NEK1: variants seen among roughly 807,000 people sequenced by gnomAD.
NEK1 encodes the protein serine/threonine-protein kinase Nek1.
NEK1 carries 137 observed loss-of-function variants against 182.1 expected under a neutral mutation model. That is an observed-to-expected ratio of 0.75 (90% confidence interval 0.65 to 0.87). The LOEUF (loss-of-function observed/expected upper bound fraction) is 0.87, where lower values mean the gene tolerates loss of function less well. Ranked by LOEUF, NEK1 falls within the 40% of genes least tolerant of loss-of-function variation. NEK1 has a pLI of 0.00. For missense variants in NEK1, 1,391 were observed against 1,494.4 expected, an observed-to-expected ratio of 0.93 and a Z score of 1.14; for synonymous variants, 513 against 492.2, an observed-to-expected ratio of 1.04 and a Z score of -0.56.
At chr4:169,535,740 C>T (rs551705759) in intron 19 of NEK1, among the ~76,000 whole-genome samples, 14 of 151,128 alleles carry the variant, frequency 9.3e-5, no homozygotes, top group East Asian at 7.9e-4. Context: ...ATTAGCCCAG[C>T]GTGGTGACAG....
intron 16 of NEK1, among the ~76,000 whole-genome samples, chr4:169,560,141 C>T (rs191917297): frequency 1.3e-5 from 2 of 152,318 alleles, no homozygotes; most frequent in Admixed American, 1.3e-4. Flanking sequence ...AATCTCAGTT[C>T]CCCTGGCTCA....
intron 11 of NEK1, among the ~76,000 whole-genome samples, chr4:169,580,591 G>C (rs1354843145): frequency 1.3e-5 from 2 of 150,136 alleles, no homozygotes; most frequent in African/African-American, 4.9e-5. Context: ...CAAAATATCA[G>C]CTAGGCATTT....
chr4:169,585,970 T>C (rs1268502446), intron 9 of NEK1, among the ~76,000 whole-genome samples: 1 of 152,066 alleles, frequency 6.6e-6, no homozygotes, highest in Non-Finnish European at 1.5e-5. Context: ...GAACTAAAAG[T>C]ATTGGGGGAA....
intron 26 of NEK1, among the ~76,000 whole-genome samples, chr4:169,473,346 C>T (rs1490289330): frequency 1.3e-5 from 2 of 151,500 alleles, no homozygotes; most frequent in African/African-American, 4.9e-5. Flanking sequence ...ACTGGGGACT[C>T]CAAAAGGGGA....
chr4:169,573,199 TA>T (rs2150015560), intron 12 of NEK1, among the ~76,000 whole-genome samples: 1 of 152,266 alleles, frequency 6.6e-6, no homozygotes, highest in Admixed American at 6.5e-5. Flanking sequence ...CGAAGAAAGG[TA>T]AAATATTTGC....
intron 23 of NEK1, among the ~76,000 whole-genome samples, chr4:169,498,441 T>G (rs989343688): frequency 9.2e-5 from 14 of 152,250 alleles, no homozygotes; most frequent in Admixed American, 2.6e-4. Flanking sequence ...ATTTGATCCC[T>G]TCATTATGAT....
At chr4:169,552,432 A>G (rs1761564413) in intron 18 of NEK1, among the ~76,000 whole-genome samples, 1 of 152,012 alleles carries the variant, frequency 6.6e-6, no homozygotes, top group Non-Finnish European at 1.5e-5. Context: ...GAAAACCTAA[A>G]TTAGAGAGGA....
intron 23 of NEK1, among the ~76,000 whole-genome samples, chr4:169,501,311 C>G (rs72691094): frequency 6.6e-6 from 1 of 151,850 alleles, no homozygotes; most frequent in Non-Finnish European, 1.5e-5. Flanking sequence ...TAATAGTGGA[C>G]ACTTTAACAC....
intron 18 of NEK1, among the ~76,000 whole-genome samples, chr4:169,552,512 T>C (rs1294589665): frequency 2.0e-5 from 3 of 152,142 alleles, no homozygotes; most frequent in East Asian, 1.9e-4. Flanking sequence ...AACTTGAAGC[T>C]TTCCGGCCAA....
At chr4:169,479,764 A>C (rs1185205934) in intron 23 of NEK1, among the ~76,000 whole-genome samples, 1 of 152,136 alleles carries the variant, frequency 6.6e-6, no homozygotes, top group African/African-American at 2.4e-5. Flanking sequence ...CATAGTCCTA[A>C]ATAACCCGCT....
chr4:169,443,101 ATCTC>A (rs1192344721), intron 27 of NEK1, among the ~76,000 whole-genome samples: 1 of 148,300 alleles, frequency 6.7e-6, no homozygotes, highest in East Asian at 2.0e-4. Context: ...CTATCTATCT[ATCTC>A]ATAATTTGAG....
At chr4:169,570,640 A>G (rs1764644714) in intron 12 of NEK1, among the ~76,000 whole-genome samples, 1 of 152,026 alleles carries the variant, frequency 6.6e-6, no homozygotes, top group Middle Eastern at 3.4e-3. Context: ...GGAAGTGAGG[A>G]GCCCCTCTGC....
chr4:169,394,451 T>C lies in NEK1; in HGVS notation c.*59A>G. On this transcript the variant is annotated 3_prime_UTR_variant, in exon 36 of 36. Transcript: ENST00000507142. ...TGTATTTCCCACTGAAGCTTGTTAT[T>C]CTGATAAGCCAAATTCAAATGCTTT... 9.0e-7 allele frequency: 1 copy of C among 1,111,942 alleles called. No homozygotes were observed. Among genetic ancestry groups the C allele is most frequent in the Non-Finnish European group, 1.3e-6 (1 of 753,350 alleles). The allele number at this position is 1,111,942 out of a possible 1,614,324, so 68.9% of individuals were successfully genotyped here.
At chr4:169,495,895 T>C (rs1303089850) in intron 23 of NEK1, among the ~76,000 whole-genome samples, 2 of 152,202 alleles carry the variant, frequency 1.3e-5, no homozygotes, top group African/African-American at 2.4e-5. Context: ...GGCTCTTTTT[T>C]GGTTCCATGT....
intron 27 of NEK1, among the ~76,000 whole-genome samples, chr4:169,438,467 CA>C (rs1384475793): frequency 1.3e-5 from 2 of 152,122 alleles, no homozygotes; most frequent in African/African-American, 2.4e-5. Context: ...CTATGGTGGT[CA>C]AAATGGTTTA....
At chr4:169,527,831 G>T (rs187652281) in intron 19 of NEK1, among the ~76,000 whole-genome samples, 1 of 151,872 alleles carries the variant, frequency 6.6e-6, no homozygotes. Flanking sequence ...TACATTAAAC[G>T]TCTTTAAGTA....
rs745732931 is a variant in NEK1 at position 169,463,240 on chromosome 4, T to C, written c.2587+3A>G. On this transcript the variant is annotated splice_donor_region_variant and intron_variant, in intron 27 of 35. Transcript: ENST00000507142. ...TATAGAAAAACTACCAGTTTCTCCT[T>C]ACCACTTCTAATAGTTGTATTTTCT... 8 of 1,495,808 alleles carry C rather than the reference T, an allele frequency of 5.3e-6. No homozygotes were observed. In the Admixed American group the frequency reaches 1.4e-4, roughly 27 times the overall value. The allele number at this position is 1,495,808 out of a possible 1,614,324, so 92.7% of individuals were successfully genotyped here.
chr4:169,402,951 C>T (rs144957454), intron 32 of NEK1, among the ~76,000 whole-genome samples: 103 of 152,182 alleles, frequency 6.8e-4, no homozygotes, highest in African/African-American at 2.3e-3. Flanking sequence ...GTACCTAAGC[C>T]GGGATTTCAT....
At chr4:169,404,121 C>T (rs1395791362) in intron 32 of NEK1, among the ~76,000 whole-genome samples, 1 of 151,854 alleles carries the variant, frequency 6.6e-6, no homozygotes, top group Non-Finnish European at 1.5e-5. Context: ...AGCTGTAGTT[C>T]ATTCAGATAA....
Sources: allele counts gnomAD v4.1 joint callset (sites outside exome capture counted in the v4.1 genomes callset), GRCh38; gene constraint gnomAD v4.1.1; transcripts MANE v1.5; gene names NCBI Gene and HGNC (gene_info 2026-07-23, HGNC 2026-07-21).